Variants in ZNF268 observed in about 807,000 individuals in gnomAD.
ZNF268 encodes the protein zinc finger protein 268.
In ZNF268, 20 loss-of-function variants were observed where a neutral mutation model predicts 29.3. The observed-to-expected ratio is 0.68, with a 90% confidence interval of 0.48 to 0.99. The LOEUF is 0.99. Among genes scored for constraint, ZNF268 ranks in the 50% least tolerant of loss-of-function variants. ZNF268 has a pLI of 0.00. For missense variants in ZNF268, 1,240 were observed against 1,121.6 expected (o/e 1.11, Z -1.51); for synonymous variants, 429 against 376.9 (o/e 1.14, Z -1.60).
intron 5 of ZNF268, among the ~76,000 whole-genome samples, chr12:133,201,533 G>A (rs1374476866): frequency 6.6e-6 from 1 of 151,966 alleles, no homozygotes; most frequent in Admixed American, 6.6e-5. Flanking sequence ...TCTAATTTTT[G>A]TTACATTGTA....
At chr12:133,197,882 G>A (rs1956650830) in intron 5 of ZNF268, among the ~76,000 whole-genome samples, 1 of 151,844 alleles carries the variant, frequency 6.6e-6, no homozygotes, top group Non-Finnish European at 1.5e-5. Context: ...TTTTGATGGG[G>A]TTGTTTTTTT....
In ZNF268 at chr12:133,209,414, TTAAA is replaced by T. The variant is rs916175000; in HGVS notation, c.*4890_*4893del. On this transcript the variant is annotated 3_prime_UTR_variant, in exon 6 of 6. Transcript: ENST00000536435. The stretch of plus-strand genomic sequence containing the variant: ...TGAGCCAAGCACCCAGCCATAAATC[TTAAA>T]TAAATTCTGATTTTGGTATAAATGA... The T allele has an allele frequency of 6.6e-6, 1 of 152,230 alleles. No homozygotes were observed. Among genetic ancestry groups the T allele is most frequent in the African/African-American group, 2.4e-5 (1 of 41,460 alleles). 9.4% of individuals were successfully genotyped at this position (152,230 alleles called of 1,614,324 possible).
chr12:133,182,502 A>G (rs896707911), intron 2 of ZNF268, among the ~76,000 whole-genome samples: 3 of 152,150 alleles, frequency 2.0e-5, no homozygotes, highest in Non-Finnish European at 4.4e-5. Context: ...AATGGTGGAT[A>G]AGAAAGACAA....
At chr12:133,192,458 T>C (rs1465353297) in intron 5 of ZNF268, among the ~76,000 whole-genome samples, 3 of 152,146 alleles carry the variant, frequency 2.0e-5, no homozygotes, top group African/African-American at 7.2e-5. Context: ...CCCTCCTTAC[T>C]CTATCTTGGT....
Position 133,181,660 on chromosome 12 carries a change from C to T in ZNF268, c.-79C>T, listed in dbSNP as rs1956178834. The T allele has an allele frequency of 3.1e-6, 1 of 320,098 alleles. No homozygotes were observed. The highest frequency in any genetic ancestry group is 5.9e-6 in the Non-Finnish European group (1 of 169,578). The allele number at this position is 320,098 out of a possible 1,614,324, so 19.8% of individuals were successfully genotyped here. A position where few individuals can be genotyped will look rare whatever the true frequency, so the allele number is the denominator to read the frequency against. ...CAGTACCCTGGACTCTATTCTGCTG[C>T]CCCTTCAGGGTTTGGAGGAGCCGGA... On this transcript the variant is annotated 5_prime_UTR_variant, in exon 1 of 6. Coordinates refer to ENST00000536435, the MANE Select transcript of ZNF268 (RefSeq NM_003415.3).
Position 133,213,503 on chromosome 12 carries a change from G to A in ZNF268, c.*8973G>A, listed in dbSNP as rs1215540245. The A allele has an allele frequency of 6.7e-6, 1 of 149,226 alleles. No individual in the cohort carries two copies. The highest frequency in any genetic ancestry group is 1.5e-5 in the Non-Finnish European group (1 of 67,614). 9.2% of individuals were successfully genotyped at this position (149,226 alleles called of 1,614,324 possible). A position where few individuals can be genotyped will look rare whatever the true frequency, so the allele number is the denominator to read the frequency against. On this transcript the variant is annotated 3_prime_UTR_variant, in exon 6 of 6. Coordinates refer to ENST00000536435, the MANE Select transcript of ZNF268 (RefSeq NM_003415.3). ...GTGCGAGACCAGCCTGGTTAACTTG[G>A]TGAAACCACGTCTCTACTAAAAATA... is the stretch of plus-strand genomic sequence containing the variant.
Position 133,204,237 on chromosome 12 carries a change from C to T in ZNF268, c.2551C>T (p.Leu851Phe), listed in dbSNP as rs182028961. The T allele has an allele frequency of 1.2e-4, 186 of 1,543,468 alleles. No homozygotes were observed. The highest frequency in any genetic ancestry group is 3.5e-6 in the Non-Finnish European group (4 of 1,148,672). ...GAAATCCTTCAGTGGGAAATTACGC[C>T]TTCTTGTACACCAGAGAATGCACAC... is the stretch of plus-strand genomic sequence containing the variant. The part of the protein sequence containing the change: ...CEKSFSGKLR[L>F]LVHQRMHTRE... Residue 851 changes from leucine (L) to phenylalanine (F), a missense_variant, in exon 6 of 6, where the codon CTT becomes TTT. Physicochemically the swap from Leu to Phe is conservative, Grantham distance 22. Around this residue, in one of 3 missense-constraint regions of ZNF268, gnomAD observed 1,177 missense variants for 1,039.6 expected, o/e 1.13. Coordinates refer to ENST00000536435, the MANE Select transcript of ZNF268 (RefSeq NM_003415.3).
intron 2 of ZNF268, among the ~76,000 whole-genome samples, chr12:133,187,270 A>T (rs1956346908): frequency 6.7e-6 from 1 of 149,714 alleles, no homozygotes. Flanking sequence ...TCATTTCTGA[A>T]TTTTTTTCCT....
chr12:133,192,177 G>A lies in ZNF268; in HGVS notation c.457+174G>A, dbSNP rs143210582. On this transcript the variant is annotated intron_variant, in intron 5 of 5. Transcript: ENST00000536435. ...GGCTGGGGTGCAGTGGCGTGATCTC[G>A]GCTCGCTGCATCCTCTGCCTCCTGG... Among the ~76,000 whole-genome samples the A allele has an allele frequency of 7.3e-3, 1,096 of 149,908 alleles. 16 individuals carry two copies. The highest frequency in any genetic ancestry group is 0.025 in the African/African-American group (1,008 of 40,614).
At chr12:133,189,160 T>G (rs1050628400) in intron 3 of ZNF268, among the ~76,000 whole-genome samples, 1 of 152,070 alleles carries the variant, frequency 6.6e-6, no homozygotes, top group Non-Finnish European at 1.5e-5. Flanking sequence ...GATTTATATG[T>G]AAGTTCTTTC....
intron 2 of ZNF268, among the ~76,000 whole-genome samples, chr12:133,183,221 TG>T: frequency 6.6e-6 from 1 of 152,080 alleles, no homozygotes; most frequent in African/African-American, 2.4e-5. Flanking sequence ...TGGGGACTGT[TG>T]GTATAGGGGA....
rs1479587944 is a variant in ZNF268 at position 133,205,064 on chromosome 12, TA to T, written c.*535del. Reference sequence around the variant, plus strand: ...AAATGAGAAACCCCTAGGGAAAAAATATATATAGGAGTGAACATCTTATGAA... The same window carrying T: ...AAATGAGAAACCCCTAGGGAAAAAATTATATAGGAGTGAACATCTTATGAA... On this transcript the variant is annotated 3_prime_UTR_variant, in exon 6 of 6. Transcript: ENST00000536435. 1.4e-5 allele frequency: 2 copies of T among 138,378 alleles called. No homozygotes were observed. Among genetic ancestry groups the T allele is most frequent in the African/African-American group, 5.6e-5 (2 of 35,834 alleles). The allele number at this position is 138,378 out of a possible 1,614,324, so 8.6% of individuals were successfully genotyped here. A position where few individuals can be genotyped will look rare whatever the true frequency, so the allele number is the denominator to read the frequency against.
At chr12:133,200,355 T>C (rs988766406) in intron 5 of ZNF268, among the ~76,000 whole-genome samples, 5 of 152,236 alleles carry the variant, frequency 3.3e-5, no homozygotes, top group Non-Finnish European at 4.4e-5. Context: ...AGTTTCTTAA[T>C]CCTGAGTTCT....
At position 133,207,472 on chromosome 12, in the gene ZNF268, G is replaced by A. The variant is rs1474000365; in HGVS notation, c.*2942G>A. 1 of 152,188 alleles carries A rather than the reference G, an allele frequency of 6.6e-6. No individual in the cohort carries two copies. Among genetic ancestry groups the A allele is most frequent in the African/African-American group, 2.4e-5 (1 of 41,446 alleles). The allele number at this position is 152,188 out of a possible 1,614,324, so 9.4% of individuals were successfully genotyped here. On this transcript the variant is annotated 3_prime_UTR_variant, in exon 6 of 6. Coordinates refer to ENST00000536435, the MANE Select transcript of ZNF268 (RefSeq NM_003415.3). Reference sequence around the variant, plus strand: ...ATCCAGCATCCTTTGTTCATTACCAGCAGAATCACTATTATTTATAATGGC... The same window carrying A: ...ATCCAGCATCCTTTGTTCATTACCAACAGAATCACTATTATTTATAATGGC...
At chr12:133,201,770 A>G (rs1956756004) in intron 5 of ZNF268, among the ~76,000 whole-genome samples, 1 of 152,106 alleles carries the variant, frequency 6.6e-6, no homozygotes, top group African/African-American at 2.4e-5. Flanking sequence ...TTTTTTGAAT[A>G]AATCTAATGT....
chr12:133,200,413 T>C (rs1956724993), intron 5 of ZNF268, among the ~76,000 whole-genome samples: 2 of 152,228 alleles, frequency 1.3e-5, no homozygotes. Context: ...TAATTTCTGT[T>C]CTTTTACATT....
At chr12:133,181,790 G>C (rs754397096) in intron 1 of ZNF268, 104 bp downstream of exon 1, 326 of 600,088 alleles carry the variant, frequency 5.4e-4, no homozygotes, top group Middle Eastern at 8.9e-4. Context: ...CCTAACCTGT[G>C]TGTTGGTGAG....
chr12:133,196,431 C>T (rs1956601510), intron 5 of ZNF268, among the ~76,000 whole-genome samples: 1 of 151,354 alleles, frequency 6.6e-6, no homozygotes, highest in Non-Finnish European at 1.5e-5. Flanking sequence ...CCTGTTTTTG[C>T]CATTATTGTT....
chr12:133,202,315 T>C lies in ZNF268; in HGVS notation c.629T>C (p.Leu210Ser). ...PHKCGTHGKS[L>S]KYIDFTSDYA... Reference sequence around the variant, plus strand: ...AAATGTGGCACGCATGGAAAGAGTTTGAAATATATAGATTTCACTAGTGAT... The same window carrying C: ...AAATGTGGCACGCATGGAAAGAGTTCGAAATATATAGATTTCACTAGTGAT... The change falls in exon 6 of 6, where the codon TTG becomes TCG. Residue 210 changes from leucine to serine, a missense_variant. Leu to Ser is a moderately radical substitution (Grantham distance 145). Around this residue, in one of 3 missense-constraint regions of ZNF268, gnomAD observed 1,177 missense variants for 1,039.6 expected, o/e 1.13. Transcript: ENST00000536435. The C allele has an allele frequency of 6.2e-7, 1 of 1,612,380 alleles. No homozygotes were observed. The highest frequency in any genetic ancestry group is 8.5e-7 in the Non-Finnish European group (1 of 1,179,162).
Sources: gnomAD v4.1 joint callset for allele counts (sites outside exome capture counted in the v4.1 genomes callset) on GRCh38, gnomAD v4.1.1 for gene constraint, gnomAD v4.1.1 regional missense constraint, MANE v1.5 for transcripts, NCBI Gene and HGNC (gene_info 2026-07-23, HGNC 2026-07-21) for gene names.